The following WDR19 variants were observed in gnomAD, a reference collection of about 807,000 sequenced individuals.
WDR19 encodes WD repeat-containing protein 19.
Under a neutral mutation model 180.0 loss-of-function variants are expected in WDR19, and 121 were observed. The observed-to-expected ratio is 0.67, with a 90% CI of 0.58 to 0.78. The LOEUF (loss-of-function observed/expected upper bound fraction) is 0.78, where lower values mean the gene tolerates loss of function less well. Among genes scored for constraint, WDR19 ranks in the 30% least tolerant of loss-of-function variants. The pLI, the probability that WDR19 is intolerant of heterozygous loss-of-function variation, is 0.00. For missense variants in WDR19, 1,450 were observed against 1,640.7 expected, an observed-to-expected ratio of 0.88 and a Z score of 2.01; for synonymous variants, 497 against 540.7, an observed-to-expected ratio of 0.92 and a Z score of 1.12.
chr4:39,214,093 G>GA (rs1361014386), intron 9 of WDR19, among the ~76,000 whole-genome samples: 3 of 152,086 alleles, frequency 2.0e-5, no homozygotes, highest in African/African-American at 7.2e-5. Context: ...ACAACCTTAT[G>GA]AAATAATGTT....
At chr4:39,205,542 T>C (rs748408241) in intron 8 of WDR19, 21 bp from the exon 9 acceptor site, 2 of 1,604,468 alleles carry the variant, frequency 1.2e-6, no homozygotes, top group South Asian at 2.2e-5. Flanking sequence ...GTTTACCATA[T>C]TGTTGCCTTC....
At chr4:39,231,201 T>C (rs1322980614) in intron 17 of WDR19, among the ~76,000 whole-genome samples, 3 of 151,680 alleles carry the variant, frequency 2.0e-5, no homozygotes, top group Non-Finnish European at 2.9e-5. Flanking sequence ...GTCCCAGCTA[T>C]TCGGGAGGCT....
rs2109358693 is a variant in WDR19, at chr4:39,228,589, A to T, written c.1881A>T (p.Val627=). The change falls in exon 17 of 37, where the codon GTA becomes GTT. Residue 627 remains valine (V), a synonymous_variant. Transcript: ENST00000399820. Reference sequence around the variant, plus strand: ...CCTGCCAAACACAGAGTGGAAAAGTAAACAACATCTACCTTAGCACCCATG... The same window carrying T: ...CCTGCCAAACACAGAGTGGAAAAGTTAACAACATCTACCTTAGCACCCATG... ...ELTCQTQSGK[V]NNIYLSTHGF... The T allele has an allele frequency of 3.7e-6, 6 of 1,613,942 alleles. No individual in the cohort carries two copies. The highest frequency in any genetic ancestry group is 4.2e-6 in the Non-Finnish European group (5 of 1,179,844).
At position 39,232,272 on chromosome 4, in the gene WDR19, G is replaced by T. The variant is rs1170632040; in HGVS notation, c.2253G>T (p.Glu751Asp). 14 of 1,590,988 alleles carry T rather than the reference G, an allele frequency of 8.8e-6. No homozygotes were observed. The highest frequency in any genetic ancestry group is 1.4e-5 in the African/African-American group (1 of 73,744). Residue 751 changes from glutamate (E) to aspartate (D), a missense_variant and splice_region_variant, in exon 19 of 37, where the codon GAG becomes GAT. By Grantham distance (45) the Glu-to-Asp change is conservative. Coordinates refer to ENST00000399820, the MANE Select transcript of WDR19 (RefSeq NM_025132.4). ...LASSCPIAAL[E>D]MRRDLQHWDS... ...CCAGCTGTCCTATTGCTGCCCTGGAGGTATGGCAGCAAGTAAGAATGGAAA... is the reference window on the plus strand; with the variant it reads ...CCAGCTGTCCTATTGCTGCCCTGGATGTATGGCAGCAAGTAAGAATGGAAA...
In WDR19 at chr4:39,263,312, G is replaced by A. The variant is rs79035244; in HGVS notation, c.3184-2751G>A. Among the ~76,000 whole-genome samples, 284 of 152,180 alleles carry A rather than the reference G, an allele frequency of 1.9e-3. 1 individual carries two copies. Among genetic ancestry groups the A allele is most frequent in the African/African-American group, 6.3e-3 (262 of 41,516 alleles). On this transcript the variant is annotated intron_variant, in intron 28 of 36. Coordinates refer to ENST00000399820, the MANE Select transcript of WDR19 (RefSeq NM_025132.4). ...CTCACTTGCTAAATATAGAAGTCTC[G>A]TCTCAGTCTTCACCCTACTCCATGT... is the stretch of plus-strand genomic sequence containing the variant.
chr4:39,282,641 A>G (rs1002507751), intron 36 of WDR19, among the ~76,000 whole-genome samples: 5 of 152,076 alleles, frequency 3.3e-5, no homozygotes, highest in Admixed American at 2.6e-4. Context: ...CAGGTAATCC[A>G]CCCACCTCGG....
Position 39,205,554 on chromosome 4 carries a change from T to C in WDR19, c.717-9T>C. 1 of 1,607,608 alleles carries C rather than the reference T, an allele frequency of 6.2e-7. No individual in the cohort carries two copies. Among genetic ancestry groups the C allele is most frequent in the South Asian group, 1.1e-5 (1 of 89,954 alleles). ...CTTGTTTACCATATTGTTGCCTTCT[T>C]TGCTATAGGTATGGTGATGGCCGCA... On this transcript the variant is annotated splice_polypyrimidine_tract_variant and intron_variant, in intron 8 of 36. Transcript: ENST00000399820.
At chr4:39,268,143 C>A in intron 30 of WDR19, 52 bp downstream of exon 30, 1 of 1,466,754 alleles carries the variant, frequency 6.8e-7, no homozygotes, top group Non-Finnish European at 9.3e-7. Context: ...CAGAATCAAG[C>A]CCCAGCCCCT....
intron 5 of WDR19, among the ~76,000 whole-genome samples, chr4:39,197,332 A>G (rs1726846895): frequency 6.6e-6 from 1 of 151,440 alleles, no homozygotes; most frequent in South Asian, 2.1e-4. Context: ...AGGCTGAGGC[A>G]GGAGAATTGC....
intron 19 of WDR19, among the ~76,000 whole-genome samples, chr4:39,233,066 T>C (rs757632492): frequency 3.3e-5 from 5 of 152,238 alleles, no homozygotes; most frequent in Non-Finnish European, 5.9e-5. Flanking sequence ...CATGTATTAA[T>C]TCATTTAACC....
At chr4:39,254,765 TAA>T (rs1404190536) in intron 26 of WDR19, among the ~76,000 whole-genome samples, 1 of 152,198 alleles carries the variant, frequency 6.6e-6, no homozygotes, top group Non-Finnish European at 1.5e-5. Flanking sequence ...CTGTACCCGT[TAA>T]ATAATAATTC....
At chr4:39,241,520 G>T (rs965107757) in intron 21 of WDR19, among the ~76,000 whole-genome samples, 12 of 148,900 alleles carry the variant, frequency 8.1e-5, no homozygotes, top group Non-Finnish European at 1.2e-4. Flanking sequence ...AGTGGGTCCG[G>T]GGCCGGGCAC....
intron 14 of WDR19, among the ~76,000 whole-genome samples, chr4:39,223,236 T>G (rs777219832): frequency 1.1e-4 from 17 of 152,356 alleles, no homozygotes; most frequent in Non-Finnish European, 2.1e-4. Flanking sequence ...TGGAGTTGTA[T>G]CCTTTAAGAG....
intron 4 of WDR19, among the ~76,000 whole-genome samples, chr4:39,192,326 A>G (rs1726254500): frequency 6.6e-6 from 1 of 152,232 alleles, no homozygotes; most frequent in African/African-American, 2.4e-5. Flanking sequence ...TCTTACAGGA[A>G]ATGCCTATGA....
intron 19 of WDR19, among the ~76,000 whole-genome samples, chr4:39,232,620 T>G (rs915280483): frequency 3.3e-5 from 5 of 151,660 alleles, no homozygotes; most frequent in Non-Finnish European, 7.4e-5. Flanking sequence ...GAGAATTGCT[T>G]GAACCTAGGA....
chr4:39,231,779 T>TA lies in WDR19; in HGVS notation c.1983-17dup. 1.3e-6 allele frequency: 2 copies of TA among 1,567,572 alleles called. No individual in the cohort carries two copies. Among genetic ancestry groups the TA allele is most frequent in the Non-Finnish European group, 1.7e-6 (2 of 1,148,488 alleles). On this transcript the variant is annotated splice_polypyrimidine_tract_variant and intron_variant, in intron 17 of 36. Coordinates refer to ENST00000399820, the MANE Select transcript of WDR19 (RefSeq NM_025132.4). ...GCAAGTGGAACATTCTGATTAAGCT[T>TA]ATGTTCTTACATCCCAGGTTTTCTG...
intron 36 of WDR19, among the ~76,000 whole-genome samples, 186 bp downstream of exon 36, chr4:39,278,849 A>G (rs571099817): frequency 2.6e-5 from 4 of 152,268 alleles, no homozygotes; most frequent in Non-Finnish European, 5.9e-5. Context: ...CATCTCCATA[A>G]TGACAAAGGT....
chr4:39,248,376 C>T (rs954655362), intron 24 of WDR19, among the ~76,000 whole-genome samples: 54 of 152,218 alleles, frequency 3.5e-4, no homozygotes, highest in African/African-American at 9.9e-4. Context: ...AAGGAAGAAC[C>T]GGTACCAGCC....
chr4:39,245,078 AG>A (rs1422423960), intron 23 of WDR19, among the ~76,000 whole-genome samples: 2 of 151,478 alleles, frequency 1.3e-5, no homozygotes, highest in Non-Finnish European at 2.9e-5. Context: ...CTGGGATTAC[AG>A]GCATGCTGCC....
Sources: allele counts gnomAD v4.1 joint callset (sites outside exome capture counted in the v4.1 genomes callset), GRCh38; gene constraint gnomAD v4.1.1; transcripts MANE v1.5; gene names NCBI Gene and HGNC (gene_info 2026-07-23, HGNC 2026-07-21).